ARHGEF7: variants seen among roughly 807,000 people sequenced by gnomAD.
ARHGEF7 encodes the protein PAK-interacting exchange factor beta.
A neutral mutation model predicts 109.8 loss-of-function variants in ARHGEF7; 33 were observed. The ratio of observed to expected loss-of-function variants is 0.30; its 90% CI spans 0.23 to 0.40. ARHGEF7 has a LOEUF of 0.40. ARHGEF7 is among the 10% of genes least tolerant of loss of function. The pLI is 1.00. For missense variants in ARHGEF7, 938 were observed against 1,098.5 expected, an observed-to-expected ratio of 0.85 and a Z score of 2.07; for synonymous variants, 458 against 424.6, an observed-to-expected ratio of 1.08 and a Z score of -0.97.
At chr13:111,210,385 T>C (rs561045947) in intron 4 of ARHGEF7, among the ~76,000 whole-genome samples, 2 of 152,312 alleles carry the variant, frequency 1.3e-5, no homozygotes, top group East Asian at 1.9e-4. Context: ...AAAGAAGAGA[T>C]GGTTAAAACT....
At chr13:111,185,945 CTG>C (rs1194519759) in intron 2 of ARHGEF7, among the ~76,000 whole-genome samples, 1 of 145,970 alleles carries the variant, frequency 6.9e-6, no homozygotes, top group Non-Finnish European at 1.5e-5. Context: ...CTTTGTCACA[CTG>C]TCTTTTGGGA....
At chr13:111,194,382 C>T (rs1196930421) in intron 2 of ARHGEF7, among the ~76,000 whole-genome samples, 5 of 152,140 alleles carry the variant, frequency 3.3e-5, no homozygotes, top group South Asian at 2.1e-4. Context: ...ATGGAGGGGC[C>T]TGGCTATCTC....
chr13:111,153,688 A>T, intron 1 of ARHGEF7: 1 of 1,259,402 alleles, frequency 7.9e-7, no homozygotes, highest in Non-Finnish European at 1.0e-6. Context: ...GGGAAGGGGC[A>T]GAGATTGGTG....
At chr13:111,292,085 TG>T (rs773769015) in intron 18 of ARHGEF7, 32 bp from the exon 19 acceptor site, 2 of 1,596,070 alleles carry the variant, frequency 1.3e-6, no homozygotes, top group African/African-American at 2.7e-5. Context: ...ACCCCCTGCC[TG>T]TCGCGCCTGT....
Position 111,239,730 on chromosome 13 carries a change from G to T in ARHGEF7, c.760-4142G>T, listed in dbSNP as rs1453289521. On this transcript the variant is annotated intron_variant, in intron 6 of 21. Coordinates refer to ENST00000646102, the MANE Select transcript of ARHGEF7 (RefSeq NM_001354046.2). This position sits in a 1 kb window ranked among gnomAD's most constrained non-coding sequence, Gnocchi z 4.3. ...TTCCTGGGCGGCGAGGTGCCTGCTG[G>T]CTTCTTTCACACCTGGCTCCCATTG... Among the ~76,000 whole-genome samples the T allele has an allele frequency of 6.6e-6, 1 of 151,984 alleles. No individual in the cohort carries two copies. The highest frequency in any genetic ancestry group is 6.5e-5 in the Admixed American group (1 of 15,272).
chr13:111,140,142 C>A (rs1205085990), intron 1 of ARHGEF7, among the ~76,000 whole-genome samples: 3 of 152,204 alleles, frequency 2.0e-5, no homozygotes, highest in Non-Finnish European at 2.9e-5. Flanking sequence ...GGCACAGGTC[C>A]TTCGTTCATT....
chr13:111,155,898 A>G (rs983249249), intron 2 of ARHGEF7, among the ~76,000 whole-genome samples: 1 of 152,010 alleles, frequency 6.6e-6, no homozygotes, highest in African/African-American at 2.4e-5. Flanking sequence ...CAACATGGTG[A>G]AACCCTGTCT....
chr13:111,241,306 C>T (rs1366797604), intron 6 of ARHGEF7: 9 of 1,536,012 alleles, frequency 5.9e-6, no homozygotes, highest in African/African-American at 2.7e-5. Flanking sequence ...GCAGCCAGAG[C>T]GTGCAGAAGA....
intron 2 of ARHGEF7, among the ~76,000 whole-genome samples, chr13:111,201,276 C>T (rs1349164637): frequency 6.6e-6 from 1 of 152,190 alleles, no homozygotes; most frequent in East Asian, 1.9e-4. Flanking sequence ...CTATTTTATG[C>T]CCAAATCGCT....
In ARHGEF7 at chr13:111,303,313, G is replaced by C. The variant is rs916365604; in HGVS notation, c.*200G>C. The stretch of plus-strand genomic sequence containing the variant: ...CTGATGAATCCAGACAGGAGGGATT[G>C]ACTCTGAGGACCTGAGCTACATCAA... On this transcript the variant is annotated 3_prime_UTR_variant, in exon 22 of 22. Transcript: ENST00000646102. 8.6e-6 allele frequency: 4 copies of C among 463,800 alleles called. No homozygotes were observed. The highest frequency in any genetic ancestry group is 5.8e-5 in the African/African-American group (3 of 51,840). The allele number at this position is 463,800 out of a possible 1,614,324, so 28.7% of individuals were successfully genotyped here. A position where few individuals can be genotyped will look rare whatever the true frequency, so the allele number is the denominator to read the frequency against.
intron 19 of ARHGEF7, chr13:111,295,329 T>C: frequency 2.4e-6 from 1 of 419,582 alleles, no homozygotes; most frequent in Non-Finnish European, 3.2e-6. Flanking sequence ...CTGTCTGCCC[T>C]GATAGAAAAG....
chr13:111,127,949 A>G (rs2067688302), intron 1 of ARHGEF7, among the ~76,000 whole-genome samples: 1 of 152,206 alleles, frequency 6.6e-6, no homozygotes, highest in Non-Finnish European at 1.5e-5. Context: ...TAAAAGAGAA[A>G]AATCCAGAGG....
intron 2 of ARHGEF7, among the ~76,000 whole-genome samples, chr13:111,194,209 C>T (rs186920609): frequency 6.6e-6 from 1 of 152,196 alleles, no homozygotes; most frequent in South Asian, 2.1e-4. Context: ...AAGAGCTATT[C>T]CTGCTCTCTC....
intron 2 of ARHGEF7, chr13:111,182,065 G>C (rs1414193921): frequency 6.6e-6 from 1 of 152,224 alleles, no homozygotes; most frequent in Non-Finnish European, 1.5e-5. Context: ...TTCAGAGGAA[G>C]CTGGGAGGGT....
rs983903463 is a variant in ARHGEF7 at position 111,283,317 on chromosome 13, G to A, written c.1904G>A (p.Arg635Gln). Residue 635 changes from arginine (R) to glutamine (Q), a missense_variant, in exon 16 of 22, where the codon CGG becomes CAG. Coordinates refer to ENST00000646102, the MANE Select transcript of ARHGEF7 (RefSeq NM_001354046.2). ...TPKPWSLSCL[R>Q]PAPPLRPSAA... ...AAGCCCTGGAGCCTGAGCTGCCTGC[G>A]GCCCGCGCCTCCCCTCCGGCCCTCA... The A allele has an allele frequency of 1.3e-6, 2 of 1,564,518 alleles. No individual in the cohort carries two copies. The highest frequency in any genetic ancestry group is 8.6e-7 in the Non-Finnish European group (1 of 1,159,166).
intron 1 of ARHGEF7, among the ~76,000 whole-genome samples, chr13:111,122,258 T>A (rs1036233942): frequency 2.6e-5 from 4 of 152,102 alleles, no homozygotes; most frequent in African/African-American, 9.7e-5. Context: ...GACTCAGGTT[T>A]CGCTTATATA....
chr13:111,199,918 C>CG (rs2081014894), intron 2 of ARHGEF7, among the ~76,000 whole-genome samples: 1 of 152,200 alleles, frequency 6.6e-6, no homozygotes, highest in Admixed American at 6.5e-5. Context: ...CTTAGGTCCA[C>CG]ATTTGCATGG....
chr13:111,120,796 C>A (rs1357747649), intron 1 of ARHGEF7, among the ~76,000 whole-genome samples: 1 of 152,190 alleles, frequency 6.6e-6, no homozygotes, highest in Admixed American at 6.5e-5. Context: ...CGTTTGCAGG[C>A]GCTGTCCCTC....
intron 8 of ARHGEF7, among the ~76,000 whole-genome samples, chr13:111,249,613 C>G (rs1198511216): frequency 6.6e-6 from 1 of 152,128 alleles, no homozygotes; most frequent in Non-Finnish European, 1.5e-5. Context: ...GTGATTTCTG[C>G]TCTTGTCCTT....
Sources: gnomAD v4.1 joint callset for allele counts (sites outside exome capture counted in the v4.1 genomes callset) on GRCh38, gnomAD v4.1.1 for gene constraint, Gnocchi (gnomAD v3.1) non-coding constraint, MANE v1.5 for transcripts, NCBI Gene and HGNC (gene_info 2026-07-23, HGNC 2026-07-21) for gene names.